ERBIN: variants seen among roughly 807,000 people sequenced by gnomAD.
ERBIN encodes densin-180-like protein.
Under a neutral mutation model 158.4 loss-of-function variants are expected in ERBIN, and 60 were observed. That is an observed-to-expected ratio of 0.38 (90% CI 0.31 to 0.47). ERBIN has a LOEUF of 0.47. ERBIN is among the 20% of genes least tolerant of loss of function. The pLI is 0.99. For synonymous variants in ERBIN, 594 were observed against 557.2 expected, an observed-to-expected ratio of 1.07 and a Z score of -0.93; for missense variants, 1,610 against 1,648.0, an observed-to-expected ratio of 0.98 and a Z score of 0.40.
Position 66,075,224 on chromosome 5 carries a change from A to T in ERBIN, c.3957A>T (p.Lys1319Asn). 1 of 1,613,752 alleles carries T rather than the reference A, an allele frequency of 6.2e-7. No homozygotes were observed. Among genetic ancestry groups the T allele is most frequent in the Non-Finnish European group, 8.5e-7 (1 of 1,179,596 alleles). ...CSPRQGHELAKQEIRVRVEKD... is the reference protein window; with the variant it reads ...CSPRQGHELANQEIRVRVEKD... ...CTAGACAAGGCCATGAACTGGCAAA[A>T]CAAGAGGTAAGAATAATCAAGACTA... Residue 1319 changes from lysine (K) to asparagine (N), a missense_variant, in exon 23 of 26, where the codon AAA becomes AAT. Lys to Asn is a moderately conservative substitution (Grantham distance 94). This residue lies in a region of ERBIN where 1,014 missense variants were observed against 936.1 expected (regional missense o/e 1.08). Transcript: ENST00000284037.
intron 4 of ERBIN, among the ~76,000 whole-genome samples, chr5:66,004,809 A>T (rs1357351808): frequency 1.3e-5 from 2 of 152,190 alleles, no homozygotes; most frequent in Non-Finnish European, 2.9e-5. Flanking sequence ...GTGAATAACT[A>T]AGGTAAGGAT....
intron 1 of ERBIN, among the ~76,000 whole-genome samples, chr5:65,980,719 C>T (rs879185603): frequency 8.0e-5 from 12 of 150,128 alleles, no homozygotes; most frequent in Admixed American, 2.7e-4. Context: ...GGATTACTAG[C>T]GGGAAAAAAA....
chr5:66,046,444 A>G lies in ERBIN; in HGVS notation c.1694A>G (p.Glu565Gly). Reference protein sequence around the residue: ...GNSVQKISEPEAEISPGSLPV... With the variant: ...GNSVQKISEPGAEISPGSLPV... Reference sequence around the variant, plus strand: ...TCTGTACAGAAGATCAGTGAACCTGAAGCTGAGATTAGTCCTGGGAGTTTA... The same window carrying G: ...TCTGTACAGAAGATCAGTGAACCTGGAGCTGAGATTAGTCCTGGGAGTTTA... The change falls in exon 18 of 26, where the codon GAA becomes GGA. Residue 565 changes from glutamate (E) to glycine (G), a missense_variant. By Grantham distance (98) the Glu-to-Gly change is moderately conservative. Transcript: ENST00000284037. The G allele has an allele frequency of 6.2e-7, 1 of 1,612,690 alleles. No individual in the cohort carries two copies. Among genetic ancestry groups the G allele is most frequent in the Non-Finnish European group, 8.5e-7 (1 of 1,179,064 alleles).
chr5:65,971,984 C>G (rs1180881827), intron 1 of ERBIN, among the ~76,000 whole-genome samples: 1 of 152,192 alleles, frequency 6.6e-6, no homozygotes, highest in Non-Finnish European at 1.5e-5. Flanking sequence ...ATTCCACATG[C>G]TGCTTGCCAA....
In ERBIN at chr5:66,078,484, T is replaced by C. The variant is rs753799243; in HGVS notation, c.4193T>C (p.Phe1398Ser). Residue 1398 changes from phenylalanine to serine, a missense_variant, in exon 26 of 26, where the codon TTC (phenylalanine) becomes TCC (serine). By Grantham distance (155) the Phe-to-Ser change is radical (BLOSUM62 -2). Transcript: ENST00000284037. ...CAAGCAGTGTCCTTGCTAAAAACTT[T>C]CCAGAATACAGTTGAACTCATCATT... ...HGQAVSLLKT[F>S]QNTVELIIVR... The C allele has an allele frequency of 8.1e-6, 13 of 1,601,010 alleles. No individual in the cohort carries two copies. Among genetic ancestry groups the C allele is most frequent in the Non-Finnish European group, 1.0e-5 (12 of 1,176,580 alleles).
At chr5:65,969,699 T>C (rs1187849047) in intron 1 of ERBIN, among the ~76,000 whole-genome samples, 1 of 152,194 alleles carries the variant, frequency 6.6e-6, no homozygotes, top group Non-Finnish European at 1.5e-5. Flanking sequence ...TTTTAACTAG[T>C]TGCATTGACA....
chr5:65,982,141 C>CT (rs1750727881), intron 1 of ERBIN, among the ~76,000 whole-genome samples: 1 of 152,182 alleles, frequency 6.6e-6, no homozygotes, highest in South Asian at 2.1e-4. Flanking sequence ...AGAGCAATGT[C>CT]TTGTGTCAGT....
At chr5:66,066,331 A>C (rs979991364) in intron 21 of ERBIN, among the ~76,000 whole-genome samples, 1 of 152,106 alleles carries the variant, frequency 6.6e-6, no homozygotes, top group African/African-American at 2.4e-5. Context: ...TCTTAATTCT[A>C]ATGGCAAAGT....
At chr5:66,018,483 T>TA (rs1554058771) in intron 7 of ERBIN, among the ~76,000 whole-genome samples, 139 of 13,138 alleles carry the variant, frequency 0.011, 27 homozygotes, top group African/African-American at 0.052. Context: ...TTATATATTA[T>TA]ATATTATATT....
chr5:66,010,380 T>G (rs974392496), intron 4 of ERBIN, among the ~76,000 whole-genome samples: 4 of 152,202 alleles, frequency 2.6e-5, no homozygotes, highest in African/African-American at 2.4e-5. Context: ...ATGCCAACTT[T>G]CAAGCAATTT....
chr5:65,953,935 T>C (rs1746797342), intron 1 of ERBIN, among the ~76,000 whole-genome samples: 1 of 152,188 alleles, frequency 6.6e-6, no homozygotes, highest in African/African-American at 2.4e-5. Flanking sequence ...CCAAACATTA[T>C]AGACCTGGAT....
intron 1 of ERBIN, among the ~76,000 whole-genome samples, chr5:65,947,598 T>G (rs1580118127): frequency 6.6e-6 from 1 of 152,292 alleles, no homozygotes; most frequent in South Asian, 2.1e-4. Flanking sequence ...TTAACATAAT[T>G]GCTGTGATAA....
At chr5:66,006,885 AAAC>A (rs1753661619) in intron 4 of ERBIN, among the ~76,000 whole-genome samples, 1 of 151,254 alleles carries the variant, frequency 6.6e-6, no homozygotes, top group Non-Finnish European at 1.5e-5. Context: ...AAAAGTCAGG[AAAC>A]AACAGGTGCT....
chr5:66,077,771 CACACACACACACACACACACACAT>C (rs569940072), intron 25 of ERBIN, among the ~76,000 whole-genome samples: 7,638 of 141,894 alleles, frequency 0.054, 196 homozygotes, highest in Non-Finnish European at 0.064. Context: ...CACACACACA[CACACACACACACACACACACACAT>C]ACACACACAC....
chr5:66,029,565 CTGTT>C, intron 14 of ERBIN, among the ~76,000 whole-genome samples: 1 of 151,792 alleles, frequency 6.6e-6, no homozygotes, highest in African/African-American at 2.4e-5. Flanking sequence ...CTGTTCTGTT[CTGTT>C]CTGTCCTGTC....
intron 10 of ERBIN, 141 bp downstream of exon 10, chr5:66,024,591 T>A: frequency 1.3e-6 from 1 of 778,912 alleles, no homozygotes; most frequent in Non-Finnish European, 2.0e-6. Context: ...CCTGGTGTGA[T>A]CAGTTGTACA....
chr5:66,051,390 TGA>T (rs1017738426), intron 20 of ERBIN, among the ~76,000 whole-genome samples: 10 of 152,192 alleles, frequency 6.6e-5, no homozygotes, highest in African/African-American at 2.2e-4. Flanking sequence ...ACACACTCAC[TGA>T]GAGAGAGATA....
intron 4 of ERBIN, among the ~76,000 whole-genome samples, chr5:66,005,880 T>C (rs965500448): frequency 3.9e-5 from 6 of 152,042 alleles, no homozygotes; most frequent in African/African-American, 1.5e-4. Context: ...AAACCACTAC[T>C]CAATGAAATA....
intron 1 of ERBIN, chr5:65,961,385 A>G (rs1320745441): frequency 1.3e-5 from 2 of 152,234 alleles, no homozygotes; most frequent in African/African-American, 4.8e-5. Context: ...CATCAGAGTT[A>G]ATATTTGTAA....
Sources: gnomAD v4.1 joint callset for allele counts (sites outside exome capture counted in the v4.1 genomes callset) on GRCh38, gnomAD v4.1.1 for gene constraint, gnomAD v4.1.1 regional missense constraint, MANE v1.5 for transcripts, NCBI Gene and HGNC (gene_info 2026-07-23, HGNC 2026-07-21) for gene names.